Variants in DLG2 observed in about 807,000 individuals in gnomAD.
The protein encoded by DLG2 is disks large homolog 2.
In DLG2, 45 loss-of-function variants were observed where a neutral mutation model predicts 132.5. The observed-to-expected ratio is 0.34, with a 90% CI of 0.27 to 0.44. The LOEUF (loss-of-function observed/expected upper bound fraction) is 0.44, where lower values mean the gene tolerates loss of function less well. Ranked by LOEUF, DLG2 falls within the 20% of genes least tolerant of loss-of-function variation. The pLI is 1.00. For missense variants in DLG2, 1,045 were observed against 1,196.9 expected (o/e 0.87, Z 1.87); for synonymous variants, 424 against 419.6 (o/e 1.01, Z -0.13).
chr11:85,144,447 C>T (rs1309602497), intron 5 of DLG2, among the ~76,000 whole-genome samples: 1 of 149,108 alleles, frequency 6.7e-6, no homozygotes, highest in Non-Finnish European at 1.5e-5. Flanking sequence ...TAAGAACTTA[C>T]TCCTCCCATT....
chr11:84,230,986 T>C (rs1324186694), intron 8 of DLG2, among the ~76,000 whole-genome samples: 1 of 152,204 alleles, frequency 6.6e-6, no homozygotes, highest in East Asian at 1.9e-4. Context: ...TACCTCAGAA[T>C]ATACATTGTC....
chr11:83,523,877 C>T (rs2095542925), intron 21 of DLG2, among the ~76,000 whole-genome samples: 1 of 151,534 alleles, frequency 6.6e-6, no homozygotes, highest in Non-Finnish European at 1.5e-5. Flanking sequence ...CAAGCTCCAT[C>T]TTCCTGCCCA....
chr11:85,162,222 T>G (rs931155783), intron 4 of DLG2, among the ~76,000 whole-genome samples: 5 of 152,128 alleles, frequency 3.3e-5, no homozygotes, highest in Admixed American at 1.3e-4. Flanking sequence ...AGTGTGTGCG[T>G]GGAATACAGG....
intron 7 of DLG2, among the ~76,000 whole-genome samples, chr11:84,359,219 A>G (rs1245895436): frequency 6.6e-6 from 1 of 151,918 alleles, no homozygotes; most frequent in Non-Finnish European, 1.5e-5. Flanking sequence ...TGAGGAACAA[A>G]TATATTCCAA....
intron 7 of DLG2, among the ~76,000 whole-genome samples, chr11:84,310,518 A>T (rs549031885): frequency 7.0e-4 from 106 of 152,300 alleles, no homozygotes; most frequent in African/African-American, 2.5e-3. Flanking sequence ...TCCTTGCCCT[A>T]TCCCAGAGAG....
chr11:84,106,552 T>A (rs2092927490), intron 9 of DLG2, among the ~76,000 whole-genome samples: 1 of 152,150 alleles, frequency 6.6e-6, no homozygotes, highest in Admixed American at 6.6e-5. Context: ...AATTATACAA[T>A]CTACAGGAAT....
intron 10 of DLG2, among the ~76,000 whole-genome samples, chr11:84,071,605 G>A (rs576698720): frequency 6.6e-6 from 1 of 151,966 alleles, no homozygotes; most frequent in Non-Finnish European, 1.5e-5. Context: ...AGATTCTGGG[G>A]AAAAAAGTTG....
intron 6 of DLG2, among the ~76,000 whole-genome samples, chr11:85,071,404 A>G (rs188843843): frequency 6.6e-6 from 1 of 151,994 alleles, no homozygotes; most frequent in Admixed American, 6.6e-5. Context: ...ATTAATAGTA[A>G]GAAAGGCTAT....
chr11:83,776,600 T>C (rs1448379355), intron 18 of DLG2, among the ~76,000 whole-genome samples: 1 of 152,216 alleles, frequency 6.6e-6, no homozygotes, highest in Admixed American at 6.5e-5. Flanking sequence ...GTCCTTTCAT[T>C]GTTTTTAGTA....
At chr11:83,624,075 G>A (rs1448907569) in intron 19 of DLG2, among the ~76,000 whole-genome samples, 1 of 152,160 alleles carries the variant, frequency 6.6e-6, no homozygotes, top group Non-Finnish European at 1.5e-5. Flanking sequence ...ATGATCTGTG[G>A]GCTCCTTAAT....
chr11:85,614,181 C>A (rs997623314), intron 2 of DLG2, among the ~76,000 whole-genome samples: 4 of 152,130 alleles, frequency 2.6e-5, no homozygotes, highest in African/African-American at 9.7e-5. Context: ...ATTCCAGACA[C>A]AAAAGTATTT....
intron 7 of DLG2, among the ~76,000 whole-genome samples, chr11:84,293,017 A>C (rs1460698885): frequency 1.3e-5 from 2 of 152,194 alleles, no homozygotes; most frequent in Non-Finnish European, 2.9e-5. Context: ...TTTAAGGTTT[A>C]AAGTTGGTCA....
At chr11:84,825,310 C>G (rs1269824591) in intron 6 of DLG2, among the ~76,000 whole-genome samples, 1 of 151,878 alleles carries the variant, frequency 6.6e-6, no homozygotes, top group Non-Finnish European at 1.5e-5. Flanking sequence ...ACAGAATTTA[C>G]TGTCCTTTCA....
chr11:83,997,244 A>G (rs1345135098), intron 11 of DLG2, among the ~76,000 whole-genome samples: 3 of 152,160 alleles, frequency 2.0e-5, no homozygotes, highest in Non-Finnish European at 4.4e-5. Flanking sequence ...TTCTATTACT[A>G]CACATTTCAA....
chr11:84,385,293 A>T (rs541092762), intron 7 of DLG2, among the ~76,000 whole-genome samples: 1 of 152,138 alleles, frequency 6.6e-6, no homozygotes, highest in African/African-American at 2.4e-5. Flanking sequence ...ATACATTGCT[A>T]CAAGTCACAG....
intron 3 of DLG2, among the ~76,000 whole-genome samples, chr11:85,373,271 T>C (rs2085134766): frequency 1.3e-5 from 2 of 152,274 alleles, no homozygotes; most frequent in Middle Eastern, 3.4e-3. Flanking sequence ...TTCATTTTGA[T>C]ACATGTTTCC....
intron 8 of DLG2, among the ~76,000 whole-genome samples, chr11:84,204,916 C>G (rs2096645969): frequency 6.6e-6 from 1 of 152,086 alleles, no homozygotes; most frequent in Non-Finnish European, 1.5e-5. Flanking sequence ...ACTGGCCAGG[C>G]TGGTCTTGAA....
intron 7 of DLG2, among the ~76,000 whole-genome samples, chr11:84,376,450 A>G (rs2098729222): frequency 6.6e-6 from 1 of 151,928 alleles, no homozygotes; most frequent in Non-Finnish European, 1.5e-5. Context: ...TGACATCACT[A>G]AAGATAGACT....
At chr11:84,307,879 C>G (rs1256883347) in intron 7 of DLG2, among the ~76,000 whole-genome samples, 1 of 151,812 alleles carries the variant, frequency 6.6e-6, no homozygotes, top group African/African-American at 2.4e-5. Flanking sequence ...GTGAGTGTTA[C>G]AGCTCTTAAG....
Sources: gnomAD v4.1 joint callset for allele counts (sites outside exome capture counted in the v4.1 genomes callset) on GRCh38, gnomAD v4.1.1 for gene constraint, MANE v1.5 for transcripts, NCBI Gene and HGNC (gene_info 2026-07-23, HGNC 2026-07-21) for gene names.